Variants in SRRM1 observed in about 807,000 individuals in gnomAD.
SRRM1 encodes serine and arginine repetitive matrix 1.
In SRRM1, 19 loss-of-function variants were observed where a neutral mutation model predicts 110.2. The ratio of observed to expected loss-of-function variants is 0.17; its 90% CI spans 0.12 to 0.25. The LOEUF is 0.25. Ranked by LOEUF, SRRM1 falls within the 10% of genes least tolerant of loss-of-function variation. SRRM1 has a pLI of 1.00. For synonymous variants in SRRM1, 443 were observed against 414.9 expected (o/e 1.07, Z -0.82); for missense variants, 918 against 1,145.8 (o/e 0.80, Z 2.87).
chr1:24,645,014 A>G (rs974732038), intron 1 of SRRM1, among the ~76,000 whole-genome samples: 1 of 152,206 alleles, frequency 6.6e-6, no homozygotes, highest in Non-Finnish European at 1.5e-5. Context: ...TAGGGTCATT[A>G]TCTAGTACCC....
chr1:24,644,868 T>C (rs777752643), intron 1 of SRRM1, among the ~76,000 whole-genome samples: 4 of 152,178 alleles, frequency 2.6e-5, no homozygotes, highest in Non-Finnish European at 5.9e-5. Flanking sequence ...AGTAAGGTGA[T>C]TGATGAGCAA....
At chr1:24,663,914 T>TAAA (rs1553175091) in intron 12 of SRRM1, among the ~76,000 whole-genome samples, 7 of 120,092 alleles carry the variant, frequency 5.8e-5, no homozygotes, top group African/African-American at 2.2e-4. Context: ...ATAATAATAA[T>TAAA]AAATAAAAGC....
At chr1:24,664,032 A>G (rs866643787) in intron 12 of SRRM1, among the ~76,000 whole-genome samples, 6 of 113,288 alleles carry the variant, frequency 5.3e-5, no homozygotes, top group Admixed American at 5.2e-4. Context: ...GTCTGGCTCT[A>G]TCACCCAGGC....
rs138081682 is a variant in SRRM1 at position 24,671,974 on chromosome 1, G to C, written c.2611-208G>C. On this transcript the variant is annotated intron_variant, in intron 16 of 16. Transcript: ENST00000323848. ...TTAGGGTACATGTGCACAATGTGCA[G>C]GTTTGTTACATATGTATACATGTGC... 6.0e-3 allele frequency among the ~76,000 whole-genome samples: 904 copies of C among 151,678 alleles called. 9 individuals are homozygous for C. The highest frequency in any genetic ancestry group is 0.02 in the African/African-American group (827 of 41,298).
intron 5 of SRRM1, 80 bp downstream of exon 5, chr1:24,650,166 A>G: frequency 3.7e-6 from 5 of 1,338,688 alleles, no homozygotes; most frequent in South Asian, 1.8e-5. Context: ...AAAGGAATCT[A>G]ACAGCGCTAT....
intron 5 of SRRM1, among the ~76,000 whole-genome samples, chr1:24,650,310 A>G (rs1269306912): frequency 1.3e-5 from 2 of 152,190 alleles, no homozygotes; most frequent in Non-Finnish European, 2.9e-5. Flanking sequence ...AAATTATCCA[A>G]CTCTAAATTC....
chr1:24,654,264 C>T, intron 8 of SRRM1: 1 of 1,281,478 alleles, frequency 7.8e-7, no homozygotes, highest in Non-Finnish European at 1.0e-6. Flanking sequence ...CCCTTTCAGC[C>T]AGTTTTTATC....
At chr1:24,663,538 T>C (rs1044955606) in intron 12 of SRRM1, among the ~76,000 whole-genome samples, 18 of 152,202 alleles carry the variant, frequency 1.2e-4, no homozygotes, top group Admixed American at 9.8e-4. Context: ...CTGGATACTT[T>C]TCCAGAGATA....
intron 9 of SRRM1, among the ~76,000 whole-genome samples, chr1:24,659,995 A>G (rs953111027): frequency 3.0e-4 from 45 of 151,998 alleles, no homozygotes; most frequent in Admixed American, 2.8e-3. Context: ...TGCTATTGTG[A>G]AGATTATGCT....
At chr1:24,643,482 ACCC>A (rs71032840) in intron 1 of SRRM1, 135 bp downstream of exon 1, 18,752 of 284,154 alleles carry the variant, frequency 0.066, 41 homozygotes, top group South Asian at 0.073. Flanking sequence ...GAGCCGGCGC[ACCC>A]CCCCCCCCCC....
intron 9 of SRRM1, among the ~76,000 whole-genome samples, chr1:24,655,362 A>G (rs1663455104): frequency 6.6e-6 from 1 of 152,158 alleles, no homozygotes; most frequent in South Asian, 2.1e-4. Context: ...GCGCAGGTGG[A>G]GAAATCTTTT....
In SRRM1 at chr1:24,648,992, T is replaced by G; in HGVS notation, c.368T>G (p.Phe123Cys). The change falls in exon 4 of 17, where the codon TTC becomes TGC. Residue 123 changes from phenylalanine to cysteine, a missense_variant. Phe to Cys is a radical substitution (Grantham distance 205). Transcript: ENST00000323848. ...AACATCGCGGGAATCCCTTCTGCTT[T>G]CCTAGAACTGAAGAAAGAAGAAATA... ...QENIAGIPSA[F>C]LELKKEEIKQ... is the part of the protein sequence containing the mutation. 1 of 1,613,310 alleles carries G rather than the reference T, an allele frequency of 6.2e-7. No individual in the cohort carries two copies. The highest frequency in any genetic ancestry group is 8.5e-7 in the Non-Finnish European group (1 of 1,179,794).
intron 12 of SRRM1, among the ~76,000 whole-genome samples, chr1:24,663,878 A>AAATAATAATAATAATAAT (rs10555916): frequency 2.1e-5 from 3 of 141,510 alleles, no homozygotes; most frequent in South Asian, 2.3e-4. Context: ...TCCCTCTCAA[A>AAATAATAATAATAATAAT]AATAATAATA....
rs1425185562 is a variant in SRRM1 at position 24,649,897 on chromosome 1, C to T, written c.406-74C>T. 3 of 1,340,388 alleles carry T rather than the reference C, an allele frequency of 2.2e-6. No individual in the cohort carries two copies. The African/African-American group carries it at 4.5e-5, about 20-fold the overall frequency. The allele number at this position is 1,340,388 out of a possible 1,614,324, so 83.0% of individuals were successfully genotyped here. A position where few individuals can be genotyped will look rare whatever the true frequency, so the allele number is the denominator to read the frequency against. ...AAATGATAATAGCATTGGTGTTTAA[C>T]ACACGTAGAAAGTAGTCTTCAGTTT... On this transcript the variant is annotated intron_variant, in intron 4 of 16. Transcript: ENST00000323848.
intron 1 of SRRM1, among the ~76,000 whole-genome samples, chr1:24,645,552 T>C (rs1228944016): frequency 2.0e-5 from 3 of 152,254 alleles, no homozygotes; most frequent in Non-Finnish European, 4.4e-5. Context: ...CTTTTTTCCT[T>C]TCACCCTGTT....
chr1:24,649,097 T>A, intron 4 of SRRM1, 68 bp downstream of exon 4: 1 of 1,421,146 alleles, frequency 7.0e-7, no homozygotes, highest in Non-Finnish European at 9.8e-7. Flanking sequence ...ACACCTTAGG[T>A]AGTATATGAC....
At chr1:24,654,714 C>G in intron 8 of SRRM1, 141 bp from the exon 9 acceptor site, 1 of 977,134 alleles carries the variant, frequency 1.0e-6, no homozygotes, top group Non-Finnish European at 1.5e-6. Context: ...TTCCCCCATT[C>G]TTTTGGACTC....
rs372952043 is a variant in SRRM1 at position 24,666,796 on chromosome 1, A to G, written c.1629-19A>G. On this transcript the variant is annotated intron_variant, in intron 12 of 16. Transcript: ENST00000323848. ...ACAAAAAAAAGAAAAAAAATTAACT[A>G]TAATTCTTCTTGGTTTAGTGGTAGA... The G allele has an allele frequency of 1.2e-4, 199 of 1,601,914 alleles. No individual in the cohort carries two copies. Among genetic ancestry groups the G allele is most frequent in the Middle Eastern group, 1.7e-4 (1 of 5,828 alleles).
Position 24,671,496 on chromosome 1 carries a change from G to A in SRRM1, c.2511G>A (p.Val837=). The change falls in exon 16 of 17, where the codon GTG becomes GTA. Residue 837 remains valine, a synonymous_variant. Transcript: ENST00000323848. ...AAAAACACAAGAAGGAAAAGGCTGT[G>A]GCTGCAGCTGCTGCAGCTGCTGTGA... The part of the protein sequence containing the change: ...KHKKHKKEKA[V]AAAAAAAVTP... 1 of 1,612,868 alleles carries A rather than the reference G, an allele frequency of 6.2e-7. No homozygotes were observed. Among genetic ancestry groups the A allele is most frequent in the Non-Finnish European group, 8.5e-7 (1 of 1,179,498 alleles).
Sources: allele counts gnomAD v4.1 joint callset (sites outside exome capture counted in the v4.1 genomes callset), GRCh38; gene constraint gnomAD v4.1.1; transcripts MANE v1.5; gene names NCBI Gene and HGNC (gene_info 2026-07-23, HGNC 2026-07-21).